OGN: variants seen among roughly 807,000 people sequenced by gnomAD.
The protein encoded by OGN is osteoglycin, also known as mimecan.
Under a neutral mutation model 30.8 loss-of-function variants are expected in OGN, and 19 were observed. That is an observed-to-expected ratio of 0.62 (90% confidence interval 0.43 to 0.90). The LOEUF (loss-of-function observed/expected upper bound fraction) is 0.90. Among genes scored for constraint, OGN ranks in the 40% least tolerant of loss-of-function variants. The probability of loss-of-function intolerance (pLI) is 0.00; values close to 1 mark genes in which losing one functional copy is unlikely to be tolerated. For synonymous variants in OGN, 126 were observed against 128.3 expected (o/e 0.98, Z 0.12); for missense variants, 283 against 349.7 (o/e 0.81, Z 1.52).
rs746698305 is a variant in OGN, at chr9:92,386,218, G to T, written c.709C>A (p.Arg237Ser). The T allele has an allele frequency of 1.2e-6, 2 of 1,608,622 alleles. No homozygotes were observed. Among genetic ancestry groups the T allele is most frequent in the South Asian group, 1.1e-5 (1 of 90,968 alleles). ...SVPLNLPESL[R>S]VIHLQFNNIA... ...TATCATACCTGAAGATGAATTACAC[G>T]TAGACTTTCTGGTAAATTAAGAGGC... The change falls in exon 6 of 7, where the codon CGT becomes AGT. Residue 237 changes from arginine (R) to serine (S), a missense_variant. Physicochemically the swap from Arg to Ser is moderately radical, Grantham distance 110. Coordinates refer to ENST00000375561, the MANE Select transcript of OGN (RefSeq NM_014057.5).
Position 92,393,204 on chromosome 9 carries a change from A to G in OGN, c.309T>C (p.Ser103=). ...CAATGTCAACTTCTTCACAGTATAC[A>G]GAGCCACTTAAACAAACACACAGCA... The part of the protein sequence containing the change: ...TCLLCVCLSG[S]VYCEEVDIDA... The change falls in exon 4 of 7, where the codon TCT becomes TCC. Residue 103 remains serine, a synonymous_variant. Coordinates refer to ENST00000375561, the MANE Select transcript of OGN (RefSeq NM_014057.5). 3 of 1,610,554 alleles carry G rather than the reference A, an allele frequency of 1.9e-6. No individual in the cohort carries two copies. The highest frequency in any genetic ancestry group is 1.1e-5 in the South Asian group (1 of 90,186).
chr9:92,393,786 CT>C (rs929610840), intron 3 of OGN, among the ~76,000 whole-genome samples: 13 of 148,260 alleles, frequency 8.8e-5, no homozygotes, highest in South Asian at 6.4e-4. Flanking sequence ...AAGTGTAGAG[CT>C]TTTTTTTTTG....
At chr9:92,388,101 T>A (rs1166947913) in intron 5 of OGN, among the ~76,000 whole-genome samples, 1 of 152,156 alleles carries the variant, frequency 6.6e-6, no homozygotes, top group Non-Finnish European at 1.5e-5. Context: ...CATAAATCCC[T>A]TCTGTAATTC....
rs1842356250 is a variant in OGN at position 92,384,721 on chromosome 9, T to C, written c.*899A>G. On this transcript the variant is annotated 3_prime_UTR_variant, in exon 7 of 7. Coordinates refer to ENST00000375561, the MANE Select transcript of OGN (RefSeq NM_014057.5). The stretch of plus-strand genomic sequence containing the variant: ...GGTAGTGTGCACTGGCACCACAGAA[T>C]ATTCTGTTTTCATCTTATGCTTGAA... 1 of 152,148 alleles carries C rather than the reference T, an allele frequency of 6.6e-6. No individual in the cohort carries two copies. Among genetic ancestry groups the C allele is most frequent in the African/African-American group, 2.4e-5 (1 of 41,452 alleles). 9.4% of individuals were successfully genotyped at this position (152,148 alleles called of 1,614,324 possible).
intron 2 of OGN, 38 bp downstream of exon 2, chr9:92,403,196 G>T: frequency 7.2e-7 from 1 of 1,390,318 alleles, no homozygotes; most frequent in African/African-American, 1.4e-5. Flanking sequence ...TAAATGGGCA[G>T]TATTTTAGAA....
intron 1 of OGN, 77 bp downstream of exon 1, chr9:92,404,419 A>G: frequency 1.0e-6 from 1 of 961,502 alleles, no homozygotes; most frequent in South Asian, 1.7e-5. Context: ...TGGCCTTTAC[A>G]TTTATTAAGA....
intron 3 of OGN, among the ~76,000 whole-genome samples, chr9:92,393,874 T>A (rs1842786165): frequency 6.6e-6 from 1 of 152,072 alleles, no homozygotes; most frequent in Admixed American, 6.6e-5. Flanking sequence ...TTGGCAGGAG[T>A]ACCATGGATC....
intron 2 of OGN, among the ~76,000 whole-genome samples, chr9:92,401,877 G>A (rs1588102520): frequency 6.6e-6 from 1 of 152,162 alleles, no homozygotes; most frequent in East Asian, 1.9e-4. Flanking sequence ...TATTCTTTCT[G>A]TCCTTTGTAA....
chr9:92,385,425 G>T lies in OGN; in HGVS notation c.*195C>A. ...TGTTTAAATATTTTCATATTACTTTGTTTCGAACGTAGACATTCAGTCTTA... is the reference window on the plus strand; with the variant it reads ...TGTTTAAATATTTTCATATTACTTTTTTTCGAACGTAGACATTCAGTCTTA... On this transcript the variant is annotated 3_prime_UTR_variant, in exon 7 of 7. Coordinates refer to ENST00000375561, the MANE Select transcript of OGN (RefSeq NM_014057.5). The T allele has an allele frequency of 1.9e-6, 1 of 514,476 alleles. No homozygotes were observed. The allele number at this position is 514,476 out of a possible 1,614,324, so 31.9% of individuals were successfully genotyped here. A position where few individuals can be genotyped will look rare whatever the true frequency, so the allele number is the denominator to read the frequency against.
At chr9:92,385,878 G>T (rs1042691880) in intron 6 of OGN, 88 bp from the exon 7 acceptor site, 1 of 1,201,582 alleles carries the variant, frequency 8.3e-7, no homozygotes, top group East Asian at 2.3e-5. Flanking sequence ...CTAAGTCAGA[G>T]GTCTGAGTGC....
chr9:92,390,465 A>T (rs773908131), intron 4 of OGN, among the ~76,000 whole-genome samples: 4 of 152,104 alleles, frequency 2.6e-5, no homozygotes, highest in Non-Finnish European at 5.9e-5. Context: ...TGAGTATGTT[A>T]TCTTAATCTT....
At chr9:92,394,693 C>A (rs996620373) in intron 3 of OGN, among the ~76,000 whole-genome samples, 1 of 150,294 alleles carries the variant, frequency 6.7e-6, no homozygotes, top group African/African-American at 2.5e-5. Flanking sequence ...CAGTCTCCGC[C>A]TCCCGGGTTC....
rs73520503 is a variant in OGN, at chr9:92,383,298, G to A, written c.*2322C>T. On this transcript the variant is annotated 3_prime_UTR_variant, in exon 7 of 7. Coordinates refer to ENST00000375561, the MANE Select transcript of OGN (RefSeq NM_014057.5). ...ATTTTCAAGATTCTTCTCTTTATTT[G>A]GGGGTCTCTTGAAGTTCCATTTTAT... is the stretch of plus-strand genomic sequence containing the variant. Among the ~76,000 whole-genome samples the A allele has an allele frequency of 2.8e-3, 431 of 152,154 alleles. 4 individuals are homozygous for A. The highest frequency in any genetic ancestry group is 9.7e-3 in the African/African-American group (401 of 41,496).
rs77027899 is a variant in OGN, at chr9:92,383,787, T to C, written c.*1833A>G. 0.031 allele frequency among the ~76,000 whole-genome samples: 4,673 copies of C among 152,282 alleles called. 113 individuals carry two copies. The highest frequency in any genetic ancestry group is 0.084 in the South Asian group (403 of 4,820). ...CTTTCTCCCTTATCATTATCTTATC[T>C]AAAACTACTGACTTTTGAATTTTTT... On this transcript the variant is annotated 3_prime_UTR_variant, in exon 7 of 7. Coordinates refer to ENST00000375561, the MANE Select transcript of OGN (RefSeq NM_014057.5).
At chr9:92,396,962 G>A (rs768820849) in intron 3 of OGN, among the ~76,000 whole-genome samples, 10 of 151,972 alleles carry the variant, frequency 6.6e-5, no homozygotes, top group Non-Finnish European at 1.5e-4. Flanking sequence ...GATCATTTGA[G>A]TCTAGGAGTT....
intron 3 of OGN, among the ~76,000 whole-genome samples, chr9:92,400,616 G>A (rs1166940153): frequency 6.6e-6 from 1 of 152,180 alleles, no homozygotes; most frequent in Non-Finnish European, 1.5e-5. Flanking sequence ...TAGAGTAAGA[G>A]TAAGCCAAGT....
Position 92,403,318 on chromosome 9 carries a change from G to A in OGN, c.90C>T (p.Ile30=), listed in dbSNP as rs773102398. The A allele has an allele frequency of 6.2e-7, 1 of 1,613,218 alleles. No homozygotes were observed. Among genetic ancestry groups the A allele is most frequent in the South Asian group, 1.1e-5 (1 of 91,016 alleles). ...APPTQQDSRI[I]YDYGTDNFEE... ...CAAAATTATCTGTTCCATAATCATAGATAATGCGTGAGTCCTGCTGGGTTG... is the reference window on the plus strand; with the variant it reads ...CAAAATTATCTGTTCCATAATCATAAATAATGCGTGAGTCCTGCTGGGTTG... Residue 30 remains isoleucine, a synonymous_variant, in exon 2 of 7, where the codon ATC becomes ATT. Transcript: ENST00000375561.
intron 4 of OGN, among the ~76,000 whole-genome samples, chr9:92,391,609 AC>A (rs1564294113): frequency 6.6e-6 from 1 of 151,778 alleles, no homozygotes; most frequent in Non-Finnish European, 1.5e-5. Context: ...AAACAAAAAA[AC>A]CCCCCAAAAA....
intron 5 of OGN, among the ~76,000 whole-genome samples, chr9:92,388,803 G>A (rs1276481988): frequency 6.9e-6 from 1 of 144,396 alleles, no homozygotes; most frequent in African/African-American, 2.6e-5. Context: ...CTGCACTCCA[G>A]CCTGGGTGAC....
Sources: allele counts gnomAD v4.1 joint callset (sites outside exome capture counted in the v4.1 genomes callset), GRCh38; gene constraint gnomAD v4.1.1; transcripts MANE v1.5; gene names NCBI Gene and HGNC (gene_info 2026-07-23, HGNC 2026-07-21).